The following CTSO variants were observed in gnomAD, a reference collection of about 807,000 sequenced individuals.
The protein encoded by CTSO is cathepsin O.
In CTSO, 40 loss-of-function variants were observed where a neutral mutation model predicts 42.4. The ratio of observed to expected loss-of-function variants is 0.94; its 90% confidence interval spans 0.73 to 1.23. CTSO has a LOEUF of 1.23. Ranked by LOEUF, CTSO falls within the 50% of genes most tolerant of loss-of-function variation. The pLI is 0.00. For synonymous variants in CTSO, 156 were observed against 146.2 expected, an observed-to-expected ratio of 1.07 and a Z score of -0.48; for missense variants, 441 against 396.0, an observed-to-expected ratio of 1.11 and a Z score of -0.96.
At chr4:155,934,858 A>T (rs2110914225) in intron 5 of CTSO, among the ~76,000 whole-genome samples, 1 of 152,178 alleles carries the variant, frequency 6.6e-6, no homozygotes, top group East Asian at 1.9e-4. Context: ...CTCTCAGATG[A>T]GACTTTGGAC....
In CTSO at chr4:155,942,847, C is replaced by T. The variant is rs1743465990; in HGVS notation, c.244+309G>A. The stretch of plus-strand genomic sequence containing the variant: ...ATTGACATCATTTGTTCTATCATAA[C>T]CCATGGAACCATGTGTGTCCTGAAG... On this transcript the variant is annotated intron_variant, in intron 2 of 7. Transcript: ENST00000433477. Among the ~76,000 whole-genome samples, 2 of 151,996 alleles carry T rather than the reference C, an allele frequency of 1.3e-5. 1 individual carries two copies. The highest frequency in any genetic ancestry group is 4.1e-4 in the South Asian group (2 of 4,828).
chr4:155,951,800 T>A (rs1743678333), intron 1 of CTSO, among the ~76,000 whole-genome samples: 1 of 152,158 alleles, frequency 6.6e-6, no homozygotes, highest in Non-Finnish European at 1.5e-5. Context: ...TGTCCAGCTC[T>A]CTATCCCAAG....
chr4:155,930,661 A>G (rs1417928010), intron 5 of CTSO, among the ~76,000 whole-genome samples: 1 of 152,192 alleles, frequency 6.6e-6, no homozygotes, highest in Non-Finnish European at 1.5e-5. Flanking sequence ...ATAATCCACT[A>G]ATAAGTAAGT....
chr4:155,950,149 G>A lies in CTSO; in HGVS notation c.135+3564C>T, dbSNP rs1366036243. Among the ~76,000 whole-genome samples the A allele has an allele frequency of 2.0e-5, 3 of 152,190 alleles. No homozygotes were observed. The South Asian group carries it at 6.2e-4, about 31-fold the overall frequency. ...AGAAATGTGTAGTCAGGATTTGTGT[G>A]AGCATGTACACAAAAAGATTGAATT... On this transcript the variant is annotated intron_variant, in intron 1 of 7. Coordinates refer to ENST00000433477, the MANE Select transcript of CTSO (RefSeq NM_001334.3).
chr4:155,940,122 G>A (rs1743402547), intron 3 of CTSO, among the ~76,000 whole-genome samples: 1 of 152,178 alleles, frequency 6.6e-6, no homozygotes, highest in Non-Finnish European at 1.5e-5. Flanking sequence ...TACATGAAAT[G>A]TCCTAAGGAT....
Position 155,925,785 on chromosome 4 carries a change from G to T in CTSO, c.*251C>A. 2.3e-6 allele frequency: 1 copy of T among 430,450 alleles called. No individual in the cohort carries two copies. Among genetic ancestry groups the T allele is most frequent in the Non-Finnish European group, 4.1e-6 (1 of 246,470 alleles). The allele number at this position is 430,450 out of a possible 1,614,324, so 26.7% of individuals were successfully genotyped here. A position where few individuals can be genotyped will look rare whatever the true frequency, so the allele number is the denominator to read the frequency against. On this transcript the variant is annotated 3_prime_UTR_variant, in exon 8 of 8. Transcript: ENST00000433477. ...TAAAATATCTCCTAATCTGAATTTC[G>T]TCTCAGGACAGGAAACTATTCCATA...
rs180700550 is a variant in CTSO, at chr4:155,934,379, C to T, written c.674+2983G>A. 2.8e-3 allele frequency among the ~76,000 whole-genome samples: 430 copies of T among 152,326 alleles called. 6 individuals are homozygous for T. Among genetic ancestry groups the T allele is most frequent in the African/African-American group, 1.7e-3 (69 of 41,574 alleles). On this transcript the variant is annotated intron_variant, in intron 5 of 7. Coordinates refer to ENST00000433477, the MANE Select transcript of CTSO (RefSeq NM_001334.3). ...GGCCCTCATGGAAAACCTCTGCTAG[C>T]GCAGTGCAGAAGAAAAATGTGGGGT...
chr4:155,939,414 C>G lies in CTSO; in HGVS notation c.509G>C (p.Cys170Ser). The G allele has an allele frequency of 6.2e-7, 1 of 1,614,018 alleles. No individual in the cohort carries two copies. Among genetic ancestry groups the G allele is most frequent in the Non-Finnish European group, 8.5e-7 (1 of 1,179,918 alleles). Residue 170 changes from cysteine (C) to serine (S), a missense_variant, in exon 4 of 8, where the codon TGC becomes TCC. Cys to Ser is a moderately radical substitution (Grantham distance 112). Coordinates refer to ENST00000433477, the MANE Select transcript of CTSO (RefSeq NM_001334.3). Reference protein sequence around the residue: ...VIDCSYNNYGCNGGSTLNALN... With the variant: ...VIDCSYNNYGSNGGSTLNALN... ...AGCATTGAGAGTAGAGCCTCCATTG[C>G]AGCCATAATTATTATACGAACAGTC...
chr4:155,936,557 G>T (rs1169361121), intron 5 of CTSO, among the ~76,000 whole-genome samples: 1 of 152,162 alleles, frequency 6.6e-6, no homozygotes, highest in Non-Finnish European at 1.5e-5. Context: ...CCAGGAGTTG[G>T]TTGGGTCTCC....
intron 7 of CTSO, among the ~76,000 whole-genome samples, chr4:155,926,704 C>T (rs1743134165): frequency 6.6e-6 from 1 of 152,112 alleles, no homozygotes; most frequent in Non-Finnish European, 1.5e-5. Context: ...ATTTGAATCC[C>T]TGTATGATTA....
intron 5 of CTSO, among the ~76,000 whole-genome samples, chr4:155,932,466 G>A (rs1488546569): frequency 6.6e-6 from 1 of 152,084 alleles, no homozygotes; most frequent in South Asian, 2.1e-4. Flanking sequence ...AAATGCTTTG[G>A]AAGACCTTCA....
chr4:155,937,423 G>A lies in CTSO; in HGVS notation c.613C>T (p.His205Tyr). Residue 205 changes from histidine to tyrosine, a missense_variant, in exon 5 of 8, where the codon CAT becomes TAT. Transcript: ENST00000433477. ...CCAGAATGTGAACCAGAAAAGTAAT[G>A]GCACAGACCATTTTGTGCTTTAAAA... ...YPFKAQNGLC[H>Y]YFSGSHSGFS... The A allele has an allele frequency of 6.2e-7, 1 of 1,612,080 alleles. No homozygotes were observed. Among genetic ancestry groups the A allele is most frequent in the Non-Finnish European group, 8.5e-7 (1 of 1,178,364 alleles).
At chr4:155,935,151 C>T (rs898692794) in intron 5 of CTSO, among the ~76,000 whole-genome samples, 6 of 152,096 alleles carry the variant, frequency 3.9e-5, no homozygotes, top group East Asian at 1.9e-4. Flanking sequence ...ATGGGTTTAT[C>T]GGGGGTTACG....
intron 1 of CTSO, among the ~76,000 whole-genome samples, chr4:155,950,958 G>T (rs1428646169): frequency 6.6e-6 from 1 of 151,528 alleles, no homozygotes; most frequent in African/African-American, 2.4e-5. Flanking sequence ...AAGCTTTCTT[G>T]GATAAAGCCT....
At chr4:155,926,964 C>T (rs1743139619) in intron 7 of CTSO, among the ~76,000 whole-genome samples, 1 of 152,174 alleles carries the variant, frequency 6.6e-6, no homozygotes, top group East Asian at 1.9e-4. Context: ...ATATGTTCAG[C>T]AGCAAGGGTT....
chr4:155,927,709 AG>A (rs756609939), intron 7 of CTSO, among the ~76,000 whole-genome samples: 2 of 151,966 alleles, frequency 1.3e-5, no homozygotes, highest in Non-Finnish European at 2.9e-5. Context: ...CGGGAGGCGG[AG>A]CTTGCAGTGA....
chr4:155,931,782 G>A (rs375528085), intron 5 of CTSO, among the ~76,000 whole-genome samples: 22 of 150,030 alleles, frequency 1.5e-4, no homozygotes, highest in African/African-American at 3.4e-4. Context: ...ATAATAATTC[G>A]TTATTATTAT....
In CTSO at chr4:155,939,516, C is replaced by T. The variant is rs763988078; in HGVS notation, c.407G>A (p.Ser136Asn). 1.8e-5 allele frequency: 29 copies of T among 1,613,930 alleles called. No individual in the cohort carries two copies. In the South Asian group the frequency reaches 3.0e-4, roughly 17 times the overall value. ...AGCAGATTCCACTGCCCCCACCACG[C>T]TGAAGGCCCAGCATCCTCCACACTG... The part of the protein sequence containing the change: ...QQMCGGCWAF[S>N]VVGAVESAYA... The change falls in exon 4 of 8, where the codon AGC (serine) becomes AAC (asparagine). Residue 136 changes from serine to asparagine, a missense_variant. Transcript: ENST00000433477.
At chr4:155,940,958 TTTAA>T (rs1426206907) in intron 3 of CTSO, among the ~76,000 whole-genome samples, 2 of 152,290 alleles carry the variant, frequency 1.3e-5, no homozygotes, top group Non-Finnish European at 1.5e-5. Context: ...CATACATTCC[TTTAA>T]TTAAAGATCT....
Sources: allele counts gnomAD v4.1 joint callset (sites outside exome capture counted in the v4.1 genomes callset), GRCh38; gene constraint gnomAD v4.1.1; transcripts MANE v1.5; gene names NCBI Gene and HGNC (gene_info 2026-07-23, HGNC 2026-07-21).